KMT2C: variants seen among roughly 807,000 people sequenced by gnomAD.
The protein encoded by KMT2C is histone-lysine N-methyltransferase 2C.
In KMT2C, 88 loss-of-function variants were observed where a neutral mutation model predicts 507.9. The observed-to-expected ratio is 0.17, with a 90% CI of 0.15 to 0.21. The LOEUF (loss-of-function observed/expected upper bound fraction) is 0.21, where lower values mean the gene tolerates loss of function less well. Among genes scored for constraint, KMT2C ranks in the 10% least tolerant of loss-of-function variants. The pLI is 1.00. For synonymous variants in KMT2C, 2,049 were observed against 2,080.8 expected, an observed-to-expected ratio of 0.98 and a Z score of 0.42; for missense variants, 4,954 against 5,957.8, an observed-to-expected ratio of 0.83 and a Z score of 5.55.
chr7:152,286,685 T>G (rs1272281285), intron 6 of KMT2C, among the ~76,000 whole-genome samples: 1 of 152,044 alleles, frequency 6.6e-6, no homozygotes, highest in African/African-American at 2.4e-5. Flanking sequence ...CCGTGATACA[T>G]AAGACAAACA....
Position 152,163,539 on chromosome 7 carries a change from G to A in KMT2C, c.10038C>T (p.Leu3346=). ...TTGGGGGCTGAATTCTAGGAGGATT[G>A]AGGGGCAGGTGGGCAGGAGCACTGT... ...QPNSAPAHLP[L]NPPRIQPPIA... Residue 3346 remains leucine (L), a synonymous_variant, in exon 43 of 59, where the codon CTC becomes CTT. Transcript: ENST00000262189. 1.9e-6 allele frequency: 3 copies of A among 1,611,420 alleles called. No homozygotes were observed. Among genetic ancestry groups the A allele is most frequent in the Non-Finnish European group, 2.5e-6 (3 of 1,178,172 alleles).
chr7:152,277,583 G>C (rs779887075), intron 6 of KMT2C, among the ~76,000 whole-genome samples: 5 of 152,050 alleles, frequency 3.3e-5, no homozygotes, highest in Non-Finnish European at 4.4e-5. Context: ...ACCCACTCTT[G>C]ATCTGTAACA....
chr7:152,276,048 G>C (rs2096073847), intron 6 of KMT2C, among the ~76,000 whole-genome samples: 1 of 152,054 alleles, frequency 6.6e-6, no homozygotes, highest in South Asian at 2.1e-4. Flanking sequence ...TATTATATTA[G>C]CTAAACTACT....
chr7:152,413,238 C>G (rs1338280696), intron 1 of KMT2C, among the ~76,000 whole-genome samples: 2 of 152,126 alleles, frequency 1.3e-5, no homozygotes, highest in Non-Finnish European at 2.9e-5. Context: ...CCTCAGCCTC[C>G]CGAGTAGCTG....
chr7:152,191,159 A>T (rs996141068), intron 31 of KMT2C, among the ~76,000 whole-genome samples: 1 of 152,246 alleles, frequency 6.6e-6, no homozygotes, highest in Non-Finnish European at 1.5e-5. Flanking sequence ...CCACATGTGC[A>T]ATTAGCACAA....
intron 43 of KMT2C, among the ~76,000 whole-genome samples, chr7:152,160,944 T>C (rs1436457698): frequency 6.6e-6 from 1 of 152,162 alleles, no homozygotes; most frequent in East Asian, 1.9e-4. Flanking sequence ...TGGAAAAAGA[T>C]GACTCAAGAA....
intron 1 of KMT2C, among the ~76,000 whole-genome samples, chr7:152,395,687 T>C (rs2097534119): frequency 6.6e-6 from 1 of 152,144 alleles, no homozygotes; most frequent in African/African-American, 2.4e-5. Context: ...TTTGTATTTT[T>C]AGTAGAGACA....
intron 14 of KMT2C, among the ~76,000 whole-genome samples, chr7:152,242,657 G>A (rs369168837): frequency 5.3e-5 from 8 of 152,286 alleles, no homozygotes; most frequent in African/African-American, 1.9e-4. Flanking sequence ...AAGCTAGTAA[G>A]TTATACAAGG....
intron 3 of KMT2C, among the ~76,000 whole-genome samples, chr7:152,316,161 G>T (rs2096721043): frequency 1.3e-5 from 2 of 152,152 alleles, no homozygotes; most frequent in South Asian, 4.1e-4. Flanking sequence ...TGAACTGGAA[G>T]AAGGAAAGGG....
intron 6 of KMT2C, among the ~76,000 whole-genome samples, chr7:152,290,288 ATATATATTTTTTTTTTTTTT>A (rs2096402036): frequency 3.1e-5 from 1 of 31,964 alleles, no homozygotes; most frequent in African/African-American, 1.6e-4. Context: ...ATATATATAT[ATATATATTTTTTTTTTTTTT>A]TTTTTTTTTT....
Position 152,177,335 on chromosome 7 carries a change from C to T in KMT2C, c.8118G>A (p.Gly2706=), listed in dbSNP as rs761330169. Residue 2706 remains glycine (G), a synonymous_variant, in exon 38 of 59, where the codon GGG becomes GGA. Coordinates refer to ENST00000262189, the MANE Select transcript of KMT2C (RefSeq NM_170606.3). The part of the protein sequence containing the change: ...VKELDVKDLE[G]VEVKDLDDED... ...CATCATCTAAGTCTTTGACTTCAAC[C>T]CCCTCAAGGTCTTTAACATCCAGTT... 1.2e-5 allele frequency: 20 copies of T among 1,613,980 alleles called. No homozygotes were observed. The African/African-American group carries it at 2.0e-4, about 16-fold the overall frequency.
intron 1 of KMT2C, chr7:152,368,683 A>T (rs1229159815): frequency 7.0e-6 from 10 of 1,427,688 alleles, no homozygotes; most frequent in Non-Finnish European, 8.7e-6. Flanking sequence ...ACCACCAGTT[A>T]CGTATTAGTT....
At chr7:152,433,605 T>C (rs1250633745) in intron 1 of KMT2C, among the ~76,000 whole-genome samples, 1 of 152,250 alleles carries the variant, frequency 6.6e-6, no homozygotes, top group African/African-American at 2.4e-5. Context: ...TTTTCAAATC[T>C]AAAAGAAAAA....
chr7:152,214,635 C>T (rs2094529114), intron 23 of KMT2C, among the ~76,000 whole-genome samples: 2 of 152,132 alleles, frequency 1.3e-5, no homozygotes, highest in South Asian at 2.1e-4. Context: ...AGAAAGGAGA[C>T]ACTGCCATTT....
intron 2 of KMT2C, among the ~76,000 whole-genome samples, chr7:152,342,894 G>T (rs186268534): frequency 6.6e-6 from 1 of 152,200 alleles, no homozygotes; most frequent in African/African-American, 2.4e-5. Context: ...ACTCCAGCCA[G>T]TTCTAGCCTA....
At chr7:152,430,479 A>G (rs1004147932) in intron 1 of KMT2C, among the ~76,000 whole-genome samples, 2 of 152,150 alleles carry the variant, frequency 1.3e-5, no homozygotes, top group African/African-American at 4.8e-5. Flanking sequence ...CTAAATCACA[A>G]CCTAACGAGG....
chr7:152,333,023 ATCT>A (rs1474873547), intron 2 of KMT2C, among the ~76,000 whole-genome samples: 4 of 152,242 alleles, frequency 2.6e-5, no homozygotes, highest in African/African-American at 9.6e-5. Flanking sequence ...TAGTGAAATG[ATCT>A]TCTATCTTTT....
At chr7:152,153,187 T>G (rs1057266785) in intron 48 of KMT2C, among the ~76,000 whole-genome samples, 1 of 152,198 alleles carries the variant, frequency 6.6e-6, no homozygotes, top group Admixed American at 6.5e-5. Flanking sequence ...CAATTAACAT[T>G]AAATATCTAG....
At chr7:152,183,181 T>A (rs1419679384) in intron 34 of KMT2C, 25 bp from the exon 35 acceptor site, 6 of 1,487,718 alleles carry the variant, frequency 4.0e-6, no homozygotes, top group South Asian at 1.4e-5. Flanking sequence ...GAGAAAAAAA[T>A]TTCCCAGATT....
Sources: gnomAD v4.1 joint callset for allele counts (sites outside exome capture counted in the v4.1 genomes callset) on GRCh38, gnomAD v4.1.1 for gene constraint, MANE v1.5 for transcripts, NCBI Gene and HGNC (gene_info 2026-07-23, HGNC 2026-07-21) for gene names.